DPF3: variants seen among roughly 807,000 people sequenced by gnomAD.
DPF3 encodes double PHD fingers 3, also known as zinc finger protein DPF3.
Under a neutral mutation model 56.8 loss-of-function variants are expected in DPF3, and 18 were observed. The ratio of observed to expected loss-of-function variants is 0.32; its 90% CI spans 0.22 to 0.47. DPF3 has a LOEUF of 0.47. Ranked by LOEUF, DPF3 falls within the 20% of genes least tolerant of loss-of-function variation. The pLI is 1.00. For missense variants in DPF3, 403 were observed against 488.8 expected (o/e 0.82, Z 1.65); for synonymous variants, 188 against 180.2 (o/e 1.04, Z -0.35).
chr14:72,751,357 G>A (rs966272882), intron 3 of DPF3, among the ~76,000 whole-genome samples: 8 of 152,180 alleles, frequency 5.3e-5, no homozygotes, highest in African/African-American at 1.9e-4. Flanking sequence ...GTAAGTCTTC[G>A]AGACCAGCAT....
At chr14:72,626,072 A>G (rs192347837) in intron 9 of DPF3, among the ~76,000 whole-genome samples, 8 of 152,310 alleles carry the variant, frequency 5.3e-5, no homozygotes, top group Admixed American at 5.2e-4. Context: ...ACTCTTCGGT[A>G]TAGTTACATT....
intron 8 of DPF3, among the ~76,000 whole-genome samples, chr14:72,668,904 T>C (rs888055839): frequency 2.0e-5 from 3 of 152,244 alleles, no homozygotes; most frequent in Non-Finnish European, 4.4e-5. Context: ...GTGTACATTG[T>C]ATCCCCGTAG....
intron 6 of DPF3, among the ~76,000 whole-genome samples, chr14:72,703,579 C>T (rs1215073969): frequency 1.3e-5 from 2 of 152,128 alleles, no homozygotes; most frequent in Non-Finnish European, 2.9e-5. Flanking sequence ...GCTGAGAAGC[C>T]GGGTAACAGA....
intron 8 of DPF3, among the ~76,000 whole-genome samples, chr14:72,648,180 ATCTC>A (rs1453430488): frequency 1.3e-5 from 2 of 152,084 alleles, no homozygotes; most frequent in African/African-American, 4.8e-5. Flanking sequence ...TTATTCTCCC[ATCTC>A]TCTCTGTCTT....
At chr14:72,735,851 TAAAG>T (rs1035637819) in intron 3 of DPF3, among the ~76,000 whole-genome samples, 4 of 152,160 alleles carry the variant, frequency 2.6e-5, no homozygotes, top group African/African-American at 4.8e-5. Flanking sequence ...ATGTGCTACA[TAAAG>T]AAACGCTAAA....
intron 8 of DPF3, chr14:72,662,249 G>A (rs1435738173): frequency 1.0e-6 from 1 of 985,234 alleles, no homozygotes; most frequent in African/African-American, 1.7e-5. Flanking sequence ...AAGCCTGAGA[G>A]AGCAGAGTTG....
chr14:72,829,899 C>T (rs551870928), intron 1 of DPF3, among the ~76,000 whole-genome samples: 1 of 152,236 alleles, frequency 6.6e-6, no homozygotes, highest in East Asian at 1.9e-4. Context: ...CCTGCTACCA[C>T]ACCCAGCTAA....
chr14:72,751,331 T>C (rs112604554), intron 3 of DPF3, among the ~76,000 whole-genome samples: 3 of 152,380 alleles, frequency 2.0e-5, no homozygotes, highest in African/African-American at 7.2e-5. Flanking sequence ...CAGGGTGACA[T>C]GTAGCCTAGC....
At chr14:72,865,651 G>A (rs887428037) in intron 1 of DPF3, among the ~76,000 whole-genome samples, 6 of 152,186 alleles carry the variant, frequency 3.9e-5, no homozygotes, top group Admixed American at 2.6e-4. Flanking sequence ...CCTCACTGAC[G>A]GCTGAAACCA....
chr14:72,799,727 C>T (rs1437975557), intron 1 of DPF3, among the ~76,000 whole-genome samples: 2 of 152,118 alleles, frequency 1.3e-5, no homozygotes, highest in Non-Finnish European at 1.5e-5. Context: ...TGGTCTGAGG[C>T]AGGCAAATTA....
chr14:72,866,706 A>T (rs532490173), intron 1 of DPF3, among the ~76,000 whole-genome samples: 19 of 150,604 alleles, frequency 1.3e-4, no homozygotes, highest in African/African-American at 4.6e-4. Flanking sequence ...AAAATACAAA[A>T]TTAGCTGGGC....
chr14:72,793,618 C>A (rs898377502), intron 1 of DPF3, among the ~76,000 whole-genome samples: 7 of 152,202 alleles, frequency 4.6e-5, no homozygotes, highest in African/African-American at 1.7e-4. Context: ...CGGCATCCAA[C>A]ATCCATCCTG....
chr14:72,861,745 A>AAGAGAAAGAAAG (rs758646300), intron 1 of DPF3, among the ~76,000 whole-genome samples: 2 of 81,310 alleles, frequency 2.5e-5, no homozygotes, highest in African/African-American at 5.4e-5. Context: ...AAGAGAAAGA[A>AAGAGAAAGAAAG]AGAAAGAAAG....
intron 3 of DPF3, chr14:72,742,560 T>C (rs1890170637): frequency 6.6e-6 from 1 of 152,424 alleles, no homozygotes. Context: ...AAGGAGCCGC[T>C]GACAGGCTCA....
At chr14:72,760,014 G>A (rs1891000707) in intron 2 of DPF3, among the ~76,000 whole-genome samples, 1 of 152,046 alleles carries the variant, frequency 6.6e-6, no homozygotes, top group Admixed American at 6.5e-5. Context: ...TCTAAGAAAT[G>A]TTAAAAAGAA....
chr14:72,725,767 C>T (rs1050220638), intron 4 of DPF3, among the ~76,000 whole-genome samples: 4 of 152,098 alleles, frequency 2.6e-5, no homozygotes, highest in African/African-American at 4.8e-5. Flanking sequence ...GCAGGAAGCC[C>T]GGGGTGAGCC....
intron 1 of DPF3, among the ~76,000 whole-genome samples, chr14:72,807,810 T>G (rs759449963): frequency 2.6e-5 from 4 of 152,022 alleles, no homozygotes; most frequent in Admixed American, 6.6e-5. Context: ...CTACAACAAA[T>G]TTAAAAATTA....
intron 8 of DPF3, among the ~76,000 whole-genome samples, chr14:72,634,166 A>G (rs1885315489): frequency 6.6e-6 from 1 of 152,178 alleles, no homozygotes; most frequent in South Asian, 2.1e-4. Context: ...GCAAGAAGAA[A>G]GTAGGGGAGG....
At chr14:72,729,592 A>G (rs774230358) in intron 4 of DPF3, among the ~76,000 whole-genome samples, 3 of 152,324 alleles carry the variant, frequency 2.0e-5, no homozygotes, top group South Asian at 2.1e-4. Context: ...ATTATTCAGC[A>G]TTAAAAAGAA....
Sources: allele counts gnomAD v4.1 joint callset (sites outside exome capture counted in the v4.1 genomes callset), GRCh38; gene constraint gnomAD v4.1.1; transcripts MANE v1.5; gene names NCBI Gene and HGNC (gene_info 2026-07-23, HGNC 2026-07-21).